Variants in SLC6A12 observed in about 807,000 individuals in gnomAD.
SLC6A12 encodes the protein solute carrier family 6 member 12.
A neutral mutation model predicts 73.3 loss-of-function variants in SLC6A12; 50 were observed. The observed-to-expected ratio is 0.68, with a 90% CI of 0.54 to 0.86. The LOEUF is 0.86. Among genes scored for constraint, SLC6A12 ranks in the 40% least tolerant of loss-of-function variants. The pLI, the probability that SLC6A12 is intolerant of heterozygous loss-of-function variation, is 0.00. For missense variants in SLC6A12, 648 were observed against 772.8 expected, an observed-to-expected ratio of 0.84 and a Z score of 1.92; for synonymous variants, 304 against 309.2, an observed-to-expected ratio of 0.98 and a Z score of 0.18.
At chr12:187,803 T>G (rs1468402469), downstream of SLC6A12, among the ~76,000 whole-genome samples, 1 of 151,996 alleles carries the variant, frequency 6.6e-6, no homozygotes, top group African/African-American at 2.4e-5. Context: ...TGGTCCGTTT[T>G]GACAGGGTTT....
intron 10 of SLC6A12, among the ~76,000 whole-genome samples, chr12:197,174 C>CATCCATCCATCTATCCATCT (rs1939948363): frequency 8.3e-5 from 1 of 12,068 alleles, no homozygotes; most frequent in Non-Finnish European, 1.6e-4. Flanking sequence ...TCCATCCATC[C>CATCCATCCATCTATCCATCT]ATCCATCCAT....
Position 191,035 on chromosome 12 carries a change from C to A in SLC6A12, c.*33G>T. 1 of 1,292,776 alleles carries A rather than the reference C, an allele frequency of 7.7e-7. No homozygotes were observed. Among genetic ancestry groups the A allele is most frequent in the Non-Finnish European group, 9.9e-7 (1 of 1,010,818 alleles). The allele number at this position is 1,292,776 out of a possible 1,614,324, so 80.1% of individuals were successfully genotyped here. On this transcript the variant is annotated 3_prime_UTR_variant, in exon 16 of 16. Transcript: ENST00000684302. ...GGAGGGTGGCCCTGACCTAGGTTCC[C>A]GGCTTAGGAGCCGCCTGGCCTCTGG...
chr12:198,758 G>A lies in SLC6A12; in HGVS notation c.846+39C>T, dbSNP rs1380736244. ...CAAAACTACAGACCTGGCTGGGTGG[G>A]GAAGGCACCTGGGGAAGTGGTCCCA... On this transcript the variant is annotated intron_variant, in intron 8 of 15. Transcript: ENST00000684302. The surrounding 1 kb of genome is among the most constrained non-coding windows in gnomAD (Gnocchi z 4.0). 1.2e-6 allele frequency: 2 copies of A among 1,603,558 alleles called. No homozygotes were observed. The highest frequency in any genetic ancestry group is 1.7e-6 in the Non-Finnish European group (2 of 1,172,200).
chr12:209,810 G>A lies in SLC6A12; in HGVS notation c.177C>T (p.Val59=). 1 of 1,614,148 alleles carries A rather than the reference G, an allele frequency of 6.2e-7. No homozygotes were observed. The highest frequency in any genetic ancestry group is 8.5e-7 in the Non-Finnish European group (1 of 1,180,024). The stretch of plus-strand genomic sequence containing the variant: ...TGTAGCAGAGATAGGGAAACCTCCA[G>A]ACATTGCCCAGCCCAATGATCTCCC... ...VAGEIIGLGN[V]WRFPYLCYKN... The change falls in exon 3 of 16, where the codon GTC becomes GTT. Residue 59 remains valine (V), a synonymous_variant. Transcript: ENST00000684302.
At chr12:203,642 C>T (rs1218958621) in intron 4 of SLC6A12, 2 of 152,304 alleles carry the variant, frequency 1.3e-5, no homozygotes, top group East Asian at 3.9e-4. Context: ...CGCGGCGGAA[C>T]GCGCTGTGCT....
In SLC6A12 at chr12:198,185, A is replaced by G. The variant is rs968300952; in HGVS notation, c.847-182T>C. Among the ~76,000 whole-genome samples, 1 of 152,126 alleles carries G rather than the reference A, an allele frequency of 6.6e-6. No homozygotes were observed. Among genetic ancestry groups the G allele is most frequent in the Non-Finnish European group, 1.5e-5 (1 of 68,024 alleles). ...CGGTCTCCACGGTGATCTCCTCCCCAGTGCGGCCCAGTTTCGGTTTGGTTC... is the reference window on the plus strand; with the variant it reads ...CGGTCTCCACGGTGATCTCCTCCCCGGTGCGGCCCAGTTTCGGTTTGGTTC... On this transcript the variant is annotated intron_variant, in intron 8 of 15. Transcript: ENST00000684302. This position sits in a 1 kb window ranked among gnomAD's most constrained non-coding sequence, Gnocchi z 4.0.
At chr12:192,992 TCAGA>T (rs557065120) in intron 14 of SLC6A12, 119 of 517,704 alleles carry the variant, frequency 2.3e-4, no homozygotes, top group African/African-American at 2.1e-3. Flanking sequence ...GAAGAGAAGC[TCAGA>T]CAGACAGGAG....
intron 7 of SLC6A12, among the ~76,000 whole-genome samples, chr12:200,190 G>C (rs1285226977): frequency 6.9e-6 from 1 of 144,424 alleles, no homozygotes; most frequent in East Asian, 2.0e-4. Context: ...CTCACTGCAA[G>C]CTCCGCCTCC....
chr12:193,332 C>G lies in SLC6A12; in HGVS notation c.1475G>C (p.Arg492Pro), dbSNP rs759427029. The change falls in exon 14 of 16, where the codon CGG (arginine) becomes CCG (proline). Residue 492 changes from arginine (R) to proline (P), a missense_variant. Physicochemically the swap from Arg to Pro is moderately radical, Grantham distance 103 (BLOSUM62 -2). Coordinates refer to ENST00000684302, the MANE Select transcript of SLC6A12 (RefSeq NM_001122848.3). ...GGAGATCTTCACCAGGGGCCATGGC[C>G]GGTAGCCAATCATGTCCTCAATGTT... ...YDNIEDMIGYRPWPLVKISWL... is the reference protein window; with the variant it reads ...YDNIEDMIGYPPWPLVKISWL... 6.2e-7 allele frequency: 1 copy of G among 1,614,076 alleles called. No individual in the cohort carries two copies. The highest frequency in any genetic ancestry group is 8.5e-7 in the Non-Finnish European group (1 of 1,179,962).
In SLC6A12 at chr12:198,906, G is replaced by A. The variant is rs545897151; in HGVS notation, c.737C>T (p.Pro246Leu). 1.7e-5 allele frequency: 27 copies of A among 1,614,178 alleles called. No homozygotes were observed. The African/African-American group carries it at 2.4e-4, about 14-fold the overall frequency. The change falls in exon 8 of 16, where the codon CCG (proline) becomes CTG (leucine). Residue 246 changes from proline (P) to leucine (L), a missense_variant. Physicochemically the swap from Pro to Leu is moderately conservative, Grantham distance 98 (BLOSUM62 -3). Coordinates refer to ENST00000684302, the MANE Select transcript of SLC6A12 (RefSeq NM_001122848.3). This position sits in a 1 kb window ranked among gnomAD's most constrained non-coding sequence, Gnocchi z 4.0. ...CAGCAAAATGACAAGCATCAGGTAC[G>A]GAAACGTGGCTGTGAAATAAACCAC... ...GKVVYFTATF[P>L]YLMLVILLIR...
chr12:189,891 G>A (rs545310833), downstream of SLC6A12, among the ~76,000 whole-genome samples: 2 of 152,296 alleles, frequency 1.3e-5, no homozygotes, highest in Admixed American at 1.3e-4. Context: ...ATAAGAGGTG[G>A]CAAGGACAAG....
chr12:204,848 C>G, intron 3 of SLC6A12, 150 bp from the exon 4 acceptor site: 2 of 793,780 alleles, frequency 2.5e-6, no homozygotes, highest in Non-Finnish European at 4.1e-6. Flanking sequence ...CTCCTGCCTG[C>G]GTGCAGTCCT....
chr12:200,329 C>G (rs113990466), intron 7 of SLC6A12, among the ~76,000 whole-genome samples: 5 of 151,772 alleles, frequency 3.3e-5, no homozygotes, highest in South Asian at 2.1e-4. Flanking sequence ...AGGATGGTCT[C>G]GATCTCCTGA....
rs1437153517 is a variant in SLC6A12 at position 192,617 on chromosome 12, G to A, written c.1562C>T (p.Thr521Ile). ...ATAGACGTTGTTGTACTTGAGGGGGGTGTACTTGCTCAAGGAGAAGAGGAA... is the reference window on the plus strand; with the variant it reads ...ATAGACGTTGTTGTACTTGAGGGGGATGTACTTGCTCAAGGAGAAGAGGAA... ...ATFLFSLSKY[T>I]PLKYNNVYVY... The change falls in exon 15 of 16, where the codon ACC becomes ATC. Residue 521 changes from threonine (T) to isoleucine (I), a missense_variant. Thr to Ile is a moderately conservative substitution (Grantham distance 89). Coordinates refer to ENST00000684302, the MANE Select transcript of SLC6A12 (RefSeq NM_001122848.3). 6.2e-7 allele frequency: 1 copy of A among 1,614,012 alleles called. No individual in the cohort carries two copies. The highest frequency in any genetic ancestry group is 1.7e-5 in the Admixed American group (1 of 60,006).
chr12:212,282 C>T (rs970896443), intron 1 of SLC6A12, among the ~76,000 whole-genome samples, 172 bp from the exon 2 acceptor site: 2 of 152,202 alleles, frequency 1.3e-5, no homozygotes, highest in Non-Finnish European at 2.9e-5. Context: ...CAGAAATGAG[C>T]CTTACTGTTT....
chr12:209,638 C>T, intron 3 of SLC6A12, 135 bp downstream of exon 3: 1 of 890,240 alleles, frequency 1.1e-6, no homozygotes, highest in Non-Finnish European at 1.8e-6. Flanking sequence ...AGCTGGAACT[C>T]AAACTCAAGT....
chr12:201,310 AG>A, intron 6 of SLC6A12: 1 of 208,080 alleles, frequency 4.8e-6, no homozygotes, highest in African/African-American at 2.3e-5. Flanking sequence ...CGTAATGTGA[AG>A]GGGTACGTTG....
At chr12:199,765 C>T (rs1159628813) in intron 7 of SLC6A12, 2 of 152,106 alleles carry the variant, frequency 1.3e-5, no homozygotes, top group African/African-American at 4.8e-5. Context: ...AAATAATGCT[C>T]AAATCTGAAT....
Position 197,206 on chromosome 12 carries a change from C to CATGGTA in SLC6A12, c.1075+170_1075+171insTACCAT, listed in dbSNP as rs56861408. ...CCATCCATCCATCCATTCATCCATC[C>CATGGTA]ATGGAAGCCCTGCTTTGTGCTAAGC... On this transcript the variant is annotated intron_variant, in intron 10 of 15. Transcript: ENST00000684302. 7.0e-5 allele frequency among the ~76,000 whole-genome samples: 3 copies of CATGGTA among 42,950 alleles called. 1 individual carries two copies. Among genetic ancestry groups the CATGGTA allele is most frequent in the Non-Finnish European group, 1.6e-4 (3 of 18,640 alleles). The allele number at this position is 42,950 out of a possible 152,430, so 28.2% of individuals were successfully genotyped here.
Sources: allele counts gnomAD v4.1 joint callset (sites outside exome capture counted in the v4.1 genomes callset), GRCh38; gene constraint gnomAD v4.1.1; non-coding constraint Gnocchi (gnomAD v3.1); transcripts MANE v1.5; gene names NCBI Gene and HGNC (gene_info 2026-07-23, HGNC 2026-07-21).